The following RCAN2 variants were observed in gnomAD, a reference collection of about 807,000 sequenced individuals.
RCAN2 encodes the protein regulator of calcineurin 2, also known as calcipressin-2.
RCAN2 carries 9 observed loss-of-function variants against 23.6 expected under a neutral mutation model. The ratio of observed to expected loss-of-function variants is 0.38; its 90% CI spans 0.23 to 0.67. The LOEUF is 0.67. RCAN2 is among the 30% of genes least tolerant of loss of function. The pLI, the probability that RCAN2 is intolerant of heterozygous loss-of-function variation, is 0.51. For synonymous variants in RCAN2, 109 were observed against 115.7 expected (o/e 0.94, Z 0.37); for missense variants, 273 against 302.3 (o/e 0.90, Z 0.72).
chr6:46,434,880 C>T (rs1767323982), intron 2 of RCAN2, among the ~76,000 whole-genome samples: 1 of 152,154 alleles, frequency 6.6e-6, no homozygotes, highest in African/African-American at 2.4e-5. Flanking sequence ...TCCTACATGG[C>T]ACAGGGCAGC....
At chr6:46,481,865 A>T (rs572475873) in intron 1 of RCAN2, among the ~76,000 whole-genome samples, 9 of 152,216 alleles carry the variant, frequency 5.9e-5, no homozygotes, top group Non-Finnish European at 1.3e-4. Flanking sequence ...GAATAACTTC[A>T]TCTCGATATT....
intron 4 of RCAN2, among the ~76,000 whole-genome samples, chr6:46,239,570 T>A (rs116325732): frequency 0.01 from 1,546 of 152,320 alleles, 9 homozygotes; most frequent in Non-Finnish European, 0.014. Context: ...GTGTGCATTT[T>A]AAGAAAATAT....
intron 1 of RCAN2, among the ~76,000 whole-genome samples, chr6:46,485,090 T>C (rs1768961887): frequency 6.6e-6 from 1 of 152,172 alleles, no homozygotes; most frequent in African/African-American, 2.4e-5. Context: ...CTTCTAACAA[T>C]CTGTCCTAAG....
chr6:46,231,559 G>A (rs12198473), intron 4 of RCAN2, among the ~76,000 whole-genome samples: 88,280 of 151,808 alleles, frequency 0.58, 29,121 homozygotes, highest in Non-Finnish European at 0.75. Context: ...ACAGGTGCAC[G>A]CCACCGTGCC....
In RCAN2 at chr6:46,325,484, C is replaced by G. The variant is rs766588395; in HGVS notation, c.226-76588G>C. The G allele has an allele frequency of 1.5e-5, 24 of 1,613,564 alleles. No homozygotes were observed. In the South Asian group the frequency reaches 1.8e-4, roughly 12 times the overall value. On this transcript the variant is annotated intron_variant, in intron 2 of 4. Transcript: ENST00000371374. Reference sequence around the variant, plus strand: ...GTCCATGCTAGGGGCTGGCATTCCCCCTTCTGAATTTTTAATAAAGAGTTA... The same window carrying G: ...GTCCATGCTAGGGGCTGGCATTCCCGCTTCTGAATTTTTAATAAAGAGTTA...
intron 2 of RCAN2, among the ~76,000 whole-genome samples, chr6:46,403,682 C>T (rs1766322156): frequency 6.6e-6 from 1 of 152,066 alleles, no homozygotes; most frequent in African/African-American, 2.4e-5. Flanking sequence ...GCAGAATCTA[C>T]CAACAAAGGA....
At chr6:46,340,157 T>A (rs964990983) in intron 2 of RCAN2, among the ~76,000 whole-genome samples, 3 of 152,190 alleles carry the variant, frequency 2.0e-5, no homozygotes, top group African/African-American at 7.2e-5. Flanking sequence ...TGAGATCTTC[T>A]ACCCTAGTTG....
At chr6:46,354,179 G>A (rs538139302) in intron 2 of RCAN2, among the ~76,000 whole-genome samples, 1 of 150,722 alleles carries the variant, frequency 6.6e-6, no homozygotes, top group Non-Finnish European at 1.5e-5. Context: ...TTGCACACAT[G>A]TACATGTGTA....
intron 2 of RCAN2, chr6:46,325,979 T>C: frequency 1.4e-6 from 1 of 730,898 alleles, no homozygotes; most frequent in Non-Finnish European, 1.7e-6. Context: ...AGGTTAAGGT[T>C]TGACAATTTT....
At chr6:46,461,767 G>A (rs999980061) in intron 1 of RCAN2, among the ~76,000 whole-genome samples, 1 of 152,034 alleles carries the variant, frequency 6.6e-6, no homozygotes, top group African/African-American at 2.4e-5. Flanking sequence ...GTATTTTTTA[G>A]TAGAGACGGA....
At chr6:46,266,058 T>A (rs1352586241) in intron 2 of RCAN2, among the ~76,000 whole-genome samples, 1 of 152,156 alleles carries the variant, frequency 6.6e-6, no homozygotes, top group Non-Finnish European at 1.5e-5. Context: ...GCTTCCTAAA[T>A]ATGCATTATC....
intron 2 of RCAN2, among the ~76,000 whole-genome samples, chr6:46,424,758 T>G (rs765455040): frequency 6.6e-6 from 1 of 152,156 alleles, no homozygotes; most frequent in Non-Finnish European, 1.5e-5. Flanking sequence ...AGATAATGTA[T>G]CTTCCACCCA....
At chr6:46,225,278 A>C (rs1765623711) in intron 4 of RCAN2, among the ~76,000 whole-genome samples, 1 of 152,222 alleles carries the variant, frequency 6.6e-6, no homozygotes, top group Non-Finnish European at 1.5e-5. Context: ...CATGATTTAT[A>C]ATCCTTTGGG....
rs1411011421 is a variant in RCAN2 at position 46,292,441 on chromosome 6, T to TG, written c.226-43546_226-43545insC. 3.6e-4 allele frequency among the ~76,000 whole-genome samples: 51 copies of TG among 141,234 alleles called. 2 individuals are homozygous for TG. Among genetic ancestry groups the TG allele is most frequent in the African/African-American group, 1.1e-3 (42 of 39,696 alleles). The allele number at this position is 141,234 out of a possible 152,430, so 92.7% of individuals were successfully genotyped here. A position where few individuals can be genotyped will look rare whatever the true frequency, so the allele number is the denominator to read the frequency against. On this transcript the variant is annotated intron_variant, in intron 2 of 4. Coordinates refer to ENST00000371374, the MANE Select transcript of RCAN2 (RefSeq NM_001251974.2). Reference sequence around the variant, plus strand: ...TTGATTTGTTGTTTTTTTTTTTGTTTTTTTTTTTGGTGGGGGGGTTGCCCT... The same window carrying TG: ...TTGATTTGTTGTTTTTTTTTTTGTTTGTTTTTTTTGGTGGGGGGGTTGCCCT...
rs951687586 is a variant in RCAN2 at position 46,401,088 on chromosome 6, C to G, written c.225+55664G>C. ...ATCAAGAAGGTACAAAGTACAGCCA[C>G]GTTCCCAGGAGTTAAATTAGACCCA... On this transcript the variant is annotated intron_variant, in intron 2 of 4. Coordinates refer to ENST00000371374, the MANE Select transcript of RCAN2 (RefSeq NM_001251974.2). Among the ~76,000 whole-genome samples the G allele has an allele frequency of 2.0e-5, 3 of 152,300 alleles. No homozygotes were observed. The East Asian group carries it at 5.8e-4, about 29-fold the overall frequency.
rs114866760 is a variant in RCAN2 at position 46,287,806 on chromosome 6, C to T, written c.226-38910G>A. Among the ~76,000 whole-genome samples the T allele has an allele frequency of 5.6e-3, 847 of 152,282 alleles. 5 individuals carry two copies. Among genetic ancestry groups the T allele is most frequent in the African/African-American group, 0.019 (780 of 41,570 alleles). The stretch of plus-strand genomic sequence containing the variant: ...AGAGTATGGGATTCCTGGAAGAGGC[C>T]GTGGGTGCTGTGAGCAAATAGCTGT... On this transcript the variant is annotated intron_variant, in intron 2 of 4. Transcript: ENST00000371374.
chr6:46,305,796 C>T (rs1299540965), intron 2 of RCAN2, among the ~76,000 whole-genome samples: 1 of 151,976 alleles, frequency 6.6e-6, no homozygotes, highest in Non-Finnish European at 1.5e-5. Context: ...CTAGTCAAAG[C>T]ACTGAACTTA....
At chr6:46,288,032 G>A (rs1307683976) in intron 2 of RCAN2, among the ~76,000 whole-genome samples, 1 of 152,052 alleles carries the variant, frequency 6.6e-6, no homozygotes, top group Non-Finnish European at 1.5e-5. Context: ...GAGGGGAGAG[G>A]GTTTTGCTCT....
intron 2 of RCAN2, among the ~76,000 whole-genome samples, chr6:46,275,177 T>C (rs908128007): frequency 2.0e-5 from 3 of 152,072 alleles, no homozygotes; most frequent in Non-Finnish European, 2.9e-5. Flanking sequence ...TTTTTTTTTT[T>C]CCACAGTTGA....
Sources: allele counts gnomAD v4.1 joint callset (sites outside exome capture counted in the v4.1 genomes callset), GRCh38; gene constraint gnomAD v4.1.1; transcripts MANE v1.5; gene names NCBI Gene and HGNC (gene_info 2026-07-23, HGNC 2026-07-21).